Variants in ST7 observed in about 807,000 individuals in gnomAD.
ST7 encodes the protein suppressor of tumorigenicity 7 protein.
In ST7, 28 loss-of-function variants were observed where a neutral mutation model predicts 78.7. That is an observed-to-expected ratio of 0.36 (90% CI 0.26 to 0.49). ST7 has a LOEUF of 0.49. Among genes scored for constraint, ST7 ranks in the 20% least tolerant of loss-of-function variants. The pLI, the probability that ST7 is intolerant of heterozygous loss-of-function variation, is 0.99. For synonymous variants in ST7, 247 were observed against 249.6 expected, an observed-to-expected ratio of 0.99 and a Z score of 0.10; for missense variants, 418 against 696.0, an observed-to-expected ratio of 0.60 and a Z score of 4.49.
chr7:117,000,409 T>G (rs1481696047), intron 1 of ST7, among the ~76,000 whole-genome samples: 1 of 152,238 alleles, frequency 6.6e-6, no homozygotes, highest in Admixed American at 6.5e-5. Context: ...CATTTATAGC[T>G]AGTGGCTACC....
chr7:117,151,526 CAT>C (rs1219392076), intron 9 of ST7, among the ~76,000 whole-genome samples: 1 of 151,612 alleles, frequency 6.6e-6, no homozygotes, highest in Non-Finnish European at 1.5e-5. Context: ...CACAAACACT[CAT>C]GTGCACACAC....
intron 1 of ST7, among the ~76,000 whole-genome samples, chr7:117,052,865 G>T (rs1384076180): frequency 6.6e-6 from 1 of 152,234 alleles, no homozygotes; most frequent in Admixed American, 6.5e-5. Context: ...CTGCACTGCA[G>T]CCTGGGCGAC....
intron 1 of ST7, among the ~76,000 whole-genome samples, chr7:117,089,559 G>GTTTTTTGT (rs1257306905): frequency 6.7e-6 from 1 of 149,264 alleles, no homozygotes; most frequent in Non-Finnish European, 1.5e-5. Context: ...TCAACAGTTT[G>GTTTTTTGT]TTTTTTGTTT....
chr7:117,139,985 G>T (rs1189018918), intron 9 of ST7, among the ~76,000 whole-genome samples: 3 of 152,162 alleles, frequency 2.0e-5, no homozygotes, highest in African/African-American at 4.8e-5. Flanking sequence ...CTTTTAAACA[G>T]AGTTTTCTTA....
Position 117,222,048 on chromosome 7 carries a change from G to A in ST7, c.1624G>A (p.Val542Ile). ...ACATCAGTTCCCGGAACTTATGGGG[G>A]TCTTCGCAAAAGCTGTGAGTGTTTG... is the stretch of plus-strand genomic sequence containing the variant. ...LTHQFPELMG[V>I]FAKAFLSTLF... Residue 542 changes from valine to isoleucine, a missense_variant, in exon 15 of 16, where the codon GTC becomes ATC. By Grantham distance (29) the Val-to-Ile change is conservative. This residue lies in a region of ST7 where 288 missense variants were observed against 537.1 expected (regional missense o/e 0.54). Transcript: ENST00000323984. The A allele has an allele frequency of 6.2e-7, 1 of 1,610,272 alleles. No individual in the cohort carries two copies. Among genetic ancestry groups the A allele is most frequent in the Non-Finnish European group, 8.5e-7 (1 of 1,178,654 alleles).
At chr7:117,126,057 GC>G (rs1385894388) in intron 3 of ST7, among the ~76,000 whole-genome samples, 1 of 151,888 alleles carries the variant, frequency 6.6e-6, no homozygotes, top group African/African-American at 2.4e-5. Context: ...CGAGCTTTAA[GC>G]CCCTTTACAG....
chr7:117,104,740 C>T (rs567511330), intron 2 of ST7, among the ~76,000 whole-genome samples: 3 of 152,116 alleles, frequency 2.0e-5, no homozygotes, highest in Admixed American at 6.5e-5. Flanking sequence ...TTGATGAATG[C>T]GTAAAGAATA....
intron 3 of ST7, among the ~76,000 whole-genome samples, chr7:117,126,411 A>G (rs1223489846): frequency 6.6e-6 from 1 of 151,828 alleles, no homozygotes; most frequent in South Asian, 2.1e-4. Flanking sequence ...TATTGTGACA[A>G]AGGGAAAAGT....
Position 117,131,966 on chromosome 7 carries a change from T to C in ST7, c.641+6T>C, listed in dbSNP as rs765683071. 2.5e-6 allele frequency: 4 copies of C among 1,610,428 alleles called. No homozygotes were observed. The highest frequency in any genetic ancestry group is 3.3e-5 in the Admixed American group (2 of 59,758). On this transcript the variant is annotated splice_donor_region_variant and intron_variant, in intron 6 of 15. Coordinates refer to ENST00000323984, the MANE Select transcript of ST7 (RefSeq NM_001369598.1). Reference sequence around the variant, plus strand: ...GAAGCCTTGGAGATAAATGAGTAAGTGGGGGAAAATCTTGCTGTTAAAAAG... The same window carrying C: ...GAAGCCTTGGAGATAAATGAGTAAGCGGGGGAAAATCTTGCTGTTAAAAAG...
chr7:117,168,138 T>C (rs1302645429), intron 9 of ST7, among the ~76,000 whole-genome samples: 2 of 152,236 alleles, frequency 1.3e-5, no homozygotes, highest in African/African-American at 4.8e-5. Context: ...TTTACCATGT[T>C]TAAAATCCTT....
chr7:117,013,339 T>C (rs1056148187), intron 1 of ST7, among the ~76,000 whole-genome samples: 2 of 152,216 alleles, frequency 1.3e-5, no homozygotes, highest in African/African-American at 4.8e-5. Context: ...TCCCAATCTG[T>C]ACCCTAGGTT....
intron 4 of ST7, 76 bp from the exon 5 acceptor site, chr7:117,130,415 C>A: frequency 9.5e-7 from 1 of 1,053,856 alleles, no homozygotes; most frequent in Non-Finnish European, 1.4e-6. Flanking sequence ...TATTTCAACG[C>A]CTCTGCAGCT....
chr7:117,183,106 T>C (rs898084578), intron 10 of ST7, among the ~76,000 whole-genome samples: 14 of 139,324 alleles, frequency 1.0e-4, no homozygotes, highest in African/African-American at 4.5e-4. Flanking sequence ...GTTTTTTTGT[T>C]TGTTTGTTTG....
intron 1 of ST7, chr7:116,958,550 A>T (rs1243385001): frequency 2.1e-6 from 1 of 466,884 alleles, no homozygotes; most frequent in Non-Finnish European, 4.4e-6. Flanking sequence ...GTTGTCTAAA[A>T]TGTTCTTCCC....
At chr7:117,130,043 A>T (rs757712996) in intron 4 of ST7, among the ~76,000 whole-genome samples, 196 bp downstream of exon 4, 1 of 151,890 alleles carries the variant, frequency 6.6e-6, no homozygotes, top group Non-Finnish European at 1.5e-5. Context: ...AATGTACAAA[A>T]ATGTGTAGTT....
intron 1 of ST7, among the ~76,000 whole-genome samples, chr7:117,043,118 A>C (rs1171083814): frequency 6.6e-6 from 1 of 152,222 alleles, no homozygotes; most frequent in Non-Finnish European, 1.5e-5. Context: ...TGTAATAATG[A>C]GTTTTCATTG....
intron 1 of ST7, among the ~76,000 whole-genome samples, chr7:117,088,422 A>G (rs1288173397): frequency 6.6e-6 from 1 of 152,234 alleles, no homozygotes; most frequent in Non-Finnish European, 1.5e-5. Flanking sequence ...TAGAGCATAT[A>G]TGAAAGATGT....
chr7:117,144,693 T>G (rs1360728987), intron 9 of ST7, among the ~76,000 whole-genome samples: 4 of 151,728 alleles, frequency 2.6e-5, no homozygotes, highest in Non-Finnish European at 5.9e-5. Context: ...AGGGGTTCCC[T>G]GACCATGCCT....
chr7:117,046,705 G>C (rs541091935), intron 1 of ST7, among the ~76,000 whole-genome samples: 1 of 152,224 alleles, frequency 6.6e-6, no homozygotes, highest in East Asian at 1.9e-4. Flanking sequence ...GTGCAATAAT[G>C]GGTAATGGAA....
Sources: allele counts gnomAD v4.1 joint callset (sites outside exome capture counted in the v4.1 genomes callset), GRCh38; gene constraint gnomAD v4.1.1; regional missense constraint gnomAD v4.1.1; transcripts MANE v1.5; gene names NCBI Gene and HGNC (gene_info 2026-07-23, HGNC 2026-07-21).